KLRD1: variants seen among roughly 807,000 people sequenced by gnomAD.
KLRD1 encodes killer cell lectin like receptor D1, also known as natural killer cells antigen CD94.
A neutral mutation model predicts 22.6 loss-of-function variants in KLRD1; 21 were observed. The ratio of observed to expected loss-of-function variants is 0.93; its 90% CI spans 0.66 to 1.34. KLRD1 has a LOEUF of 1.34. KLRD1 is among the 40% of genes most tolerant of loss of function. The probability of loss-of-function intolerance (pLI) is 0.00; values close to 1 mark genes in which losing one functional copy is unlikely to be tolerated. For missense variants in KLRD1, 183 were observed against 208.6 expected, an observed-to-expected ratio of 0.88 and a Z score of 0.76; for synonymous variants, 59 against 71.1, an observed-to-expected ratio of 0.83 and a Z score of 0.85.
chr12:10,296,440 C>T (rs139639121), intron 1 of KLRD1, among the ~76,000 whole-genome samples: 2,401 of 151,950 alleles, frequency 0.016, 56 homozygotes, highest in African/African-American at 0.054. Context: ...CGAGTGAACC[C>T]GGGAGGTGGA....
upstream of KLRD1, among the ~76,000 whole-genome samples, chr12:10,301,436 T>C (rs76934531): frequency 0.066 from 9,977 of 152,230 alleles, 421 homozygotes; most frequent in East Asian, 0.23. Flanking sequence ...CTTACCCTGA[T>C]CAGTAGATGA....
chr12:10,290,070 T>C (rs1949752887), intron 1 of KLRD1, among the ~76,000 whole-genome samples: 1 of 152,144 alleles, frequency 6.6e-6, no homozygotes, highest in Non-Finnish European at 1.5e-5. Context: ...AGCCACCCCA[T>C]CCAGCTGAAT....
At chr12:10,303,953 A>G (rs1395843900), upstream of KLRD1, among the ~76,000 whole-genome samples, 1 of 152,224 alleles carries the variant, frequency 6.6e-6, no homozygotes. Context: ...AACTTGGGCT[A>G]TAAGATGAAA....
chr12:10,269,735 C>CT (rs1949532034), intron 1 of KLRD1, among the ~76,000 whole-genome samples: 1 of 151,832 alleles, frequency 6.6e-6, no homozygotes, highest in African/African-American at 2.4e-5. Flanking sequence ...GGTTGTTTTT[C>CT]TTTTTTTAAT....
chr12:10,281,229 G>A (rs1373382594), intron 1 of KLRD1, among the ~76,000 whole-genome samples: 1 of 152,172 alleles, frequency 6.6e-6, no homozygotes, highest in Non-Finnish European at 1.5e-5. Flanking sequence ...AAAACCACAA[G>A]TGAGGGAACG....
At chr12:10,264,866 T>A (rs2137635529) in intron 1 of KLRD1, among the ~76,000 whole-genome samples, 1 of 152,176 alleles carries the variant, frequency 6.6e-6, no homozygotes, top group South Asian at 2.1e-4. Context: ...TTCTACTGCC[T>A]AGACTCTGGA....
rs191999211 is a variant in KLRD1 at position 10,319,648 on chromosome 12, A to G, written c.*4855A>G. 6.6e-6 allele frequency: 1 copy of G among 152,270 alleles called. No individual in the cohort carries two copies. The highest frequency in any genetic ancestry group is 1.5e-5 in the Non-Finnish European group (1 of 68,054). 9.4% of individuals were successfully genotyped at this position (152,270 alleles called of 1,614,324 possible). A position where few individuals can be genotyped will look rare whatever the true frequency, so the allele number is the denominator to read the frequency against. On this transcript the variant is annotated 3_prime_UTR_variant, in exon 6 of 6. Transcript: ENST00000336164. ...GGCAAGGAACTGAAGACTCTTACAC[A>G]CAGCCAGCAAGGAACTGAAGTCTAT...
intron 1 of KLRD1, among the ~76,000 whole-genome samples, chr12:10,283,715 G>A (rs1462389348): frequency 1.3e-5 from 2 of 152,154 alleles, no homozygotes; most frequent in East Asian, 1.9e-4. Flanking sequence ...TAGCCATGGA[G>A]GTGGTGAAAC....
chr12:10,320,806 C>T lies in KLRD1; in HGVS notation c.*6013C>T, dbSNP rs2137746739. Reference sequence around the variant, plus strand: ...AAAGAACACAAGTAGTGCCTCAATTCAGTCAGATGAAGATCTATAAAGGTC... The same window carrying T: ...AAAGAACACAAGTAGTGCCTCAATTTAGTCAGATGAAGATCTATAAAGGTC... On this transcript the variant is annotated 3_prime_UTR_variant, in exon 6 of 6. Coordinates refer to ENST00000336164, the MANE Select transcript of KLRD1 (RefSeq NM_002262.5). 6.6e-6 allele frequency: 1 copy of T among 152,272 alleles called. No homozygotes were observed. The highest frequency in any genetic ancestry group is 2.1e-4 in the South Asian group (1 of 4,824). The allele number at this position is 152,272 out of a possible 1,614,324, so 9.4% of individuals were successfully genotyped here. A position where few individuals can be genotyped will look rare whatever the true frequency, so the allele number is the denominator to read the frequency against.
chr12:10,269,017 A>G (rs1185976450), intron 1 of KLRD1, among the ~76,000 whole-genome samples: 1 of 152,044 alleles, frequency 6.6e-6, no homozygotes, highest in Non-Finnish European at 1.5e-5. Context: ...ATTTTCCTGT[A>G]TGTAGAAATA....
intron 1 of KLRD1, among the ~76,000 whole-genome samples, chr12:10,294,336 A>C (rs1000549965): frequency 6.6e-6 from 1 of 152,210 alleles, no homozygotes; most frequent in Non-Finnish European, 1.5e-5. Flanking sequence ...CCAGTTTGTC[A>C]AAGTGCATCC....
intron 3 of KLRD1, among the ~76,000 whole-genome samples, chr12:10,310,955 T>C (rs527249174): frequency 6.6e-6 from 1 of 152,344 alleles, no homozygotes; most frequent in Admixed American, 6.5e-5. Flanking sequence ...TTGGTTTATT[T>C]ATATTCCCTT....
chr12:10,246,622 A>G (rs1949293616), intron 1 of KLRD1, among the ~76,000 whole-genome samples: 1 of 152,198 alleles, frequency 6.6e-6, no homozygotes, highest in Non-Finnish European at 1.5e-5. Context: ...GGATAAAATT[A>G]AAATGCATAT....
chr12:10,313,089 A>T (rs2137716417), intron 4 of KLRD1, among the ~76,000 whole-genome samples: 1 of 152,264 alleles, frequency 6.6e-6, no homozygotes, highest in South Asian at 2.1e-4. Flanking sequence ...CCTCCTTCAC[A>T]ATACCATGAT....
upstream of KLRD1, among the ~76,000 whole-genome samples, chr12:10,306,043 C>G (rs1458109890): frequency 6.6e-6 from 1 of 151,578 alleles, no homozygotes; most frequent in African/African-American, 2.4e-5. Flanking sequence ...GTGGCGGGAG[C>G]CTGTAGCCCC....
rs1950375912 is a variant in KLRD1, at chr12:10,327,961, C to T, written c.*13168C>T. The T allele has an allele frequency of 6.6e-6, 1 of 152,068 alleles. No individual in the cohort carries two copies. 9.4% of individuals were successfully genotyped at this position (152,068 alleles called of 1,614,324 possible). The stretch of plus-strand genomic sequence containing the variant: ...TTCATTCTATTAATGTGGTATATTA[C>T]ATTAATTGATTTTGTATGTTAGGCT... On this transcript the variant is annotated 3_prime_UTR_variant, in exon 6 of 6. Transcript: ENST00000336164.
intron 1 of KLRD1, among the ~76,000 whole-genome samples, chr12:10,269,269 G>C (rs1275868534): frequency 2.6e-5 from 4 of 152,066 alleles, no homozygotes; most frequent in Non-Finnish European, 5.9e-5. Flanking sequence ...TCCTGCCTCA[G>C]CCTCCCGAGT....
In KLRD1 at chr12:10,309,439, G is replaced by T; in HGVS notation, c.59G>T (p.Cys20Phe). Residue 20 changes from cysteine to phenylalanine, a missense_variant, in exon 2 of 6, where the codon TGC becomes TTC. By Grantham distance (205) the Cys-to-Phe change is radical. Transcript: ENST00000336164. ...RLISGTLGII[C>F]LSLMSTLGIL... ...ATTTCTGGGACCTTAGGGATAATATGCCTTTCGTTGATGTCTACGTTGGGA... is the reference window on the plus strand; with the variant it reads ...ATTTCTGGGACCTTAGGGATAATATTCCTTTCGTTGATGTCTACGTTGGGA... 1.3e-6 allele frequency: 2 copies of T among 1,554,214 alleles called. No homozygotes were observed. The highest frequency in any genetic ancestry group is 1.8e-6 in the Non-Finnish European group (2 of 1,125,208).
upstream of KLRD1, among the ~76,000 whole-genome samples, chr12:10,307,185 A>G (rs3759269): frequency 5.9e-5 from 9 of 152,356 alleles, no homozygotes; most frequent in East Asian, 1.7e-3. Flanking sequence ...TAGTATCTGA[A>G]TTAGATAACA....
Sources: allele counts gnomAD v4.1 joint callset (sites outside exome capture counted in the v4.1 genomes callset), GRCh38; gene constraint gnomAD v4.1.1; transcripts MANE v1.5; gene names NCBI Gene and HGNC (gene_info 2026-07-23, HGNC 2026-07-21).